The following NOS1AP variants were observed in gnomAD, a reference collection of about 807,000 sequenced individuals.
NOS1AP encodes the protein carboxyl-terminal PDZ ligand of neuronal nitric oxide synthase protein.
A neutral mutation model predicts 56.2 loss-of-function variants in NOS1AP; 21 were observed. The observed-to-expected ratio is 0.37, with a 90% confidence interval of 0.26 to 0.54. The LOEUF is 0.54. Among genes scored for constraint, NOS1AP ranks in the 20% least tolerant of loss-of-function variants. NOS1AP has a pLI of 0.84. For synonymous variants in NOS1AP, 270 were observed against 274.6 expected, an observed-to-expected ratio of 0.98 and a Z score of 0.17; for missense variants, 522 against 657.8, an observed-to-expected ratio of 0.79 and a Z score of 2.26.
At chr1:162,112,558 G>A (rs561996649) in intron 1 of NOS1AP, among the ~76,000 whole-genome samples, 1 of 152,310 alleles carries the variant, frequency 6.6e-6, no homozygotes, top group Admixed American at 6.5e-5. Flanking sequence ...GATGTTCATT[G>A]CCAGTTCTTT....
chr1:162,080,502 G>A (rs900935686), intron 1 of NOS1AP, among the ~76,000 whole-genome samples: 1 of 152,170 alleles, frequency 6.6e-6, no homozygotes, highest in Non-Finnish European at 1.5e-5. Context: ...GCCCTTGGGA[G>A]TAAGGGGGTG....
chr1:162,173,044 G>A (rs984907201), intron 2 of NOS1AP, among the ~76,000 whole-genome samples: 4 of 152,016 alleles, frequency 2.6e-5, no homozygotes, highest in African/African-American at 9.7e-5. Context: ...ACTGCACACT[G>A]CAGCCCCCTG....
intron 1 of NOS1AP, among the ~76,000 whole-genome samples, chr1:162,111,839 C>T (rs970926744): frequency 2.0e-5 from 3 of 152,244 alleles, no homozygotes; most frequent in African/African-American, 4.8e-5. Context: ...TGAGTCAAGC[C>T]GGGTTAGTGT....
intron 1 of NOS1AP, among the ~76,000 whole-genome samples, chr1:162,134,401 C>T (rs1448715843): frequency 6.7e-6 from 1 of 149,308 alleles, no homozygotes; most frequent in African/African-American, 2.5e-5. Flanking sequence ...GCATGAAAAT[C>T]GCTTGAACCG....
chr1:162,304,973 T>C (rs528731339), intron 4 of NOS1AP, among the ~76,000 whole-genome samples: 1 of 152,320 alleles, frequency 6.6e-6, no homozygotes, highest in East Asian at 1.9e-4. Context: ...TGCTGAAGAA[T>C]ACATACAATT....
intron 4 of NOS1AP, among the ~76,000 whole-genome samples, chr1:162,309,522 T>A (rs550519331): frequency 2.4e-4 from 37 of 152,334 alleles, no homozygotes; most frequent in South Asian, 4.1e-4. Flanking sequence ...CTTTTTATTA[T>A]GGAAGTAAGG....
chr1:162,122,971 A>G (rs930811990), intron 1 of NOS1AP, among the ~76,000 whole-genome samples: 2 of 152,182 alleles, frequency 1.3e-5, no homozygotes, highest in Non-Finnish European at 2.9e-5. Flanking sequence ...AAAAATGCCA[A>G]TATTTCTGCA....
At chr1:162,147,052 G>A (rs935083769) in intron 1 of NOS1AP, among the ~76,000 whole-genome samples, 1 of 152,094 alleles carries the variant, frequency 6.6e-6, no homozygotes, top group African/African-American at 2.4e-5. Flanking sequence ...ATACAAGGCC[G>A]GGCGCGGTGG....
At chr1:162,103,897 C>T (rs1335480143) in intron 1 of NOS1AP, among the ~76,000 whole-genome samples, 2 of 152,154 alleles carry the variant, frequency 1.3e-5, no homozygotes, top group Non-Finnish European at 1.5e-5. Context: ...GGGCATTTAG[C>T]CCATTTACAT....
Position 162,215,373 on chromosome 1 carries a change from C to A in NOS1AP, c.177+60897C>A, listed in dbSNP as rs371919663. On this transcript the variant is annotated intron_variant, in intron 2 of 9. Coordinates refer to ENST00000361897, the MANE Select transcript of NOS1AP (RefSeq NM_014697.3). ...GGGCCACACTGGTGATGCACTGGAC[C>A]TTGCAGGTGGCAGCACTGTGTTGTG... Among the ~76,000 whole-genome samples the A allele has an allele frequency of 2.6e-4, 40 of 152,366 alleles. No homozygotes were observed. In the South Asian group the frequency reaches 7.0e-3, roughly 27 times the overall value.
chr1:162,184,308 C>A (rs1341445002), intron 2 of NOS1AP, among the ~76,000 whole-genome samples: 1 of 152,128 alleles, frequency 6.6e-6, no homozygotes, highest in Non-Finnish European at 1.5e-5. Context: ...TCACTAATCA[C>A]AAATTATCAT....
chr1:162,279,589 C>T (rs1654852173), intron 2 of NOS1AP, among the ~76,000 whole-genome samples: 2 of 152,220 alleles, frequency 1.3e-5, no homozygotes, highest in Non-Finnish European at 2.9e-5. Flanking sequence ...TTTTTCTGTC[C>T]TCACTGGTAT....
At chr1:162,355,759 T>C (rs909434156) in intron 7 of NOS1AP, among the ~76,000 whole-genome samples, 1 of 152,106 alleles carries the variant, frequency 6.6e-6, no homozygotes, top group Non-Finnish European at 1.5e-5. Flanking sequence ...GCAGTAGCGG[T>C]GGTATACCGT....
intron 2 of NOS1AP, among the ~76,000 whole-genome samples, chr1:162,187,562 T>C (rs1651483918): frequency 6.6e-6 from 1 of 152,230 alleles, no homozygotes; most frequent in South Asian, 2.1e-4. Context: ...ATGCTTTTGA[T>C]ACTTACATTG....
intron 4 of NOS1AP, among the ~76,000 whole-genome samples, chr1:162,326,211 C>T (rs988615318): frequency 1.3e-5 from 2 of 152,124 alleles, no homozygotes; most frequent in Admixed American, 6.5e-5. Flanking sequence ...GAGAGAATTG[C>T]GTGGCAGGTC....
chr1:162,159,020 G>A (rs1327514538), intron 2 of NOS1AP, among the ~76,000 whole-genome samples: 5 of 152,176 alleles, frequency 3.3e-5, no homozygotes, highest in Admixed American at 1.3e-4. Flanking sequence ...TGACACTGGC[G>A]CCGCTTGCTT....
At chr1:162,091,790 G>A (rs1473121051) in intron 1 of NOS1AP, among the ~76,000 whole-genome samples, 1 of 152,212 alleles carries the variant, frequency 6.6e-6, no homozygotes, top group Non-Finnish European at 1.5e-5. Context: ...ACACAGCCCA[G>A]GAGCATGTGG....
intron 2 of NOS1AP, among the ~76,000 whole-genome samples, chr1:162,185,125 C>T (rs1651385069): frequency 6.6e-6 from 1 of 152,350 alleles, no homozygotes; most frequent in South Asian, 2.1e-4. Context: ...ATCTCTCTGA[C>T]CATTCTTCCA....
At chr1:162,342,828 C>T (rs985248904) in intron 5 of NOS1AP, among the ~76,000 whole-genome samples, 1 of 152,124 alleles carries the variant, frequency 6.6e-6, no homozygotes, top group Non-Finnish European at 1.5e-5. Context: ...ATCCAAAACA[C>T]GATGAATGTT....
Sources: allele counts gnomAD v4.1 joint callset (sites outside exome capture counted in the v4.1 genomes callset), GRCh38; gene constraint gnomAD v4.1.1; transcripts MANE v1.5; gene names NCBI Gene and HGNC (gene_info 2026-07-23, HGNC 2026-07-21).